The following PFKFB3 variants were observed in gnomAD, a reference collection of about 807,000 sequenced individuals.
PFKFB3 encodes 6-phosphofructo-2-kinase/fructose-2,6-bisphosphatase 3.
PFKFB3 carries 33 observed loss-of-function variants against 68.0 expected under a neutral mutation model. That is an observed-to-expected ratio of 0.49 (90% CI 0.37 to 0.65). The LOEUF (loss-of-function observed/expected upper bound fraction) is 0.65. Ranked by LOEUF, PFKFB3 falls within the 30% of genes least tolerant of loss-of-function variation. The pLI, the probability that PFKFB3 is intolerant of heterozygous loss-of-function variation, is 0.00. For missense variants in PFKFB3, 586 were observed against 712.2 expected, an observed-to-expected ratio of 0.82 and a Z score of 2.02; for synonymous variants, 315 against 288.2, an observed-to-expected ratio of 1.09 and a Z score of -0.94.
chr10:6,283,272 T>A, the PFKFB3 span, among the ~76,000 whole-genome samples: 1 of 152,196 alleles, frequency 6.6e-6, no homozygotes, highest in Non-Finnish European at 1.5e-5. Context: ...CCAGCCAAGT[T>A]ATTCTATTTA....
rs1249623464 is a variant in PFKFB3, at chr10:6,203,272, A to G, written c.12A>G (p.Glu4=). MPL[E]LTQSRVQKIW... is the part of the protein sequence containing the mutation. ...GCGCAGCCGCGAAGATGCCGTTGGA[A>G]CTGACGCAGAGCCGAGTGCAGAAGA... Residue 4 remains glutamate, a synonymous_variant, in exon 1 of 15, where the codon GAA becomes GAG. Coordinates refer to ENST00000379775, the MANE Select transcript of PFKFB3 (RefSeq NM_004566.4). The G allele has an allele frequency of 6.2e-7, 1 of 1,610,196 alleles. No individual in the cohort carries two copies.
At position 6,183,614 on chromosome 10, in the gene PFKFB3, A is replaced by AAAATAT. The variant is rs1242752213; in HGVS notation, c.17-30008_17-30007insAATATA. ...GACCAGCCTGGTCAAAAAAAAAAAA[A>AAAATAT]ATATATATATATATATATGTATATA... On this transcript the variant is annotated intron_variant, in intron 1 of 14. Transcript: ENST00000379789. 1.3e-3 allele frequency among the ~76,000 whole-genome samples: 120 copies of AAAATAT among 93,936 alleles called. 1 individual carries two copies. The highest frequency in any genetic ancestry group is 3.9e-3 in the African/African-American group (114 of 29,356). 61.6% of individuals were successfully genotyped at this position (93,936 alleles called of 152,430 possible). A position where few individuals can be genotyped will look rare whatever the true frequency, so the allele number is the denominator to read the frequency against.
At chr10:6,182,379 C>T (rs1399536429) in intron 1 of PFKFB3, among the ~76,000 whole-genome samples, 1 of 152,172 alleles carries the variant, frequency 6.6e-6, no homozygotes, top group African/African-American at 2.4e-5. Flanking sequence ...GTGTCACAAA[C>T]AAGTTGTCCT....
Position 6,229,285 on chromosome 10 carries a change from A to C in PFKFB3, c.1515+2920A>C. ...CTTAAGACCACCCTGGGAGGTCGGC[A>C]GGGCAGTCAGTCCCCCGTTTAATGG... On this transcript the variant is annotated intron_variant, in intron 14 of 14. Coordinates refer to ENST00000379775, the MANE Select transcript of PFKFB3 (RefSeq NM_004566.4). This position sits in a 1 kb window ranked among gnomAD's most constrained non-coding sequence, Gnocchi z 4.3. 2.4e-6 allele frequency: 1 copy of C among 420,976 alleles called. No individual in the cohort carries two copies. Among genetic ancestry groups the C allele is most frequent in the South Asian group, 1.7e-5 (1 of 58,632 alleles). The allele number at this position is 420,976 out of a possible 1,614,324, so 26.1% of individuals were successfully genotyped here. A position where few individuals can be genotyped will look rare whatever the true frequency, so the allele number is the denominator to read the frequency against.
At chr10:6,310,105 G>A in the PFKFB3 span, among the ~76,000 whole-genome samples, 3 of 152,158 alleles carry the variant, frequency 2.0e-5, no homozygotes, top group East Asian at 3.9e-4. Flanking sequence ...TCTCAAGAGC[G>A]AGACTCCATC....
chr10:6,315,479 A>G, the PFKFB3 span, among the ~76,000 whole-genome samples: 2 of 151,888 alleles, frequency 1.3e-5, no homozygotes, highest in African/African-American at 4.8e-5. Flanking sequence ...GTCCCCGAGT[A>G]TTTTCTTTTT....
the PFKFB3 span, among the ~76,000 whole-genome samples, chr10:6,310,045 C>T: frequency 1.3e-5 from 2 of 152,130 alleles, no homozygotes; most frequent in African/African-American, 4.8e-5. Context: ...TCTCCCATGA[C>T]TCAGGGTAAG....
At chr10:6,216,294 G>A in intron 4 of PFKFB3, 103 bp downstream of exon 4, 1 of 1,159,382 alleles carries the variant, frequency 8.6e-7, no homozygotes, top group East Asian at 2.3e-5. Context: ...CCCTGAGGGT[G>A]GAGGAAAGCA....
chr10:6,304,000 CA>C, the PFKFB3 span, among the ~76,000 whole-genome samples: 1 of 151,982 alleles, frequency 6.6e-6, no homozygotes, highest in Non-Finnish European at 1.5e-5. Flanking sequence ...GGCAGAGACA[CA>C]AGATGAAAGG....
chr10:6,193,585 A>G (rs1381438673), intron 1 of PFKFB3, among the ~76,000 whole-genome samples: 1 of 152,152 alleles, frequency 6.6e-6, no homozygotes, highest in African/African-American at 2.4e-5. Context: ...GTGTGGAGAG[A>G]CTGCCAAACA....
chr10:6,215,824 A>C lies in PFKFB3; in HGVS notation c.300-301A>C, dbSNP rs554050727. Among the ~76,000 whole-genome samples, 27 of 152,298 alleles carry C rather than the reference A, an allele frequency of 1.8e-4. No individual in the cohort carries two copies. Among genetic ancestry groups the C allele is most frequent in the African/African-American group, 6.0e-4 (25 of 41,556 alleles). On this transcript the variant is annotated intron_variant, in intron 3 of 14. Coordinates refer to ENST00000379775, the MANE Select transcript of PFKFB3 (RefSeq NM_004566.4). The surrounding 1 kb of genome is among the most constrained non-coding windows in gnomAD (Gnocchi z 4.3). ...AATCCCTGATGCCAGGCCCCACCCC[A>C]GACCAGTTAGTGCAACTCTGTGGGT... is the stretch of plus-strand genomic sequence containing the variant.
chr10:6,304,192 G>A, the PFKFB3 span, among the ~76,000 whole-genome samples: 2 of 152,118 alleles, frequency 1.3e-5, no homozygotes, highest in African/African-American at 2.4e-5. Flanking sequence ...TGCAGTAACA[G>A]ATAGATTTAA....
At chr10:6,217,008 G>A in intron 5 of PFKFB3, 127 bp from the exon 6 acceptor site, 1 of 1,002,736 alleles carries the variant, frequency 1.0e-6, no homozygotes, top group Non-Finnish European at 1.6e-6. Context: ...GAGGAGGTGG[G>A]CTTTCCTGTG....
chr10:6,228,484 A>G lies in PFKFB3; in HGVS notation c.1515+2119A>G, dbSNP rs938861945. 7.2e-5 allele frequency among the ~76,000 whole-genome samples: 11 copies of G among 151,922 alleles called. No homozygotes were observed. Among genetic ancestry groups the G allele is most frequent in the Admixed American group, 2.6e-4 (4 of 15,244 alleles). ...CCGCTGGCTTCTCCCCTACCCTCTC[A>G]GGGCTGCAGGTCGTGGTGTGTAATG... On this transcript the variant is annotated intron_variant, in intron 14 of 14. Transcript: ENST00000379775. This position sits in a 1 kb window ranked among gnomAD's most constrained non-coding sequence, Gnocchi z 4.5.
downstream of PFKFB3, among the ~76,000 whole-genome samples, chr10:6,258,216 G>A (rs1846509645): frequency 6.6e-6 from 1 of 152,048 alleles, no homozygotes; most frequent in South Asian, 2.1e-4. Context: ...ATATGTGTAT[G>A]CACATACAGA....
intron 1 of PFKFB3, among the ~76,000 whole-genome samples, chr10:6,207,174 G>A (rs568446708): frequency 3.2e-3 from 493 of 152,284 alleles, no homozygotes; most frequent in Non-Finnish European, 4.2e-3. Flanking sequence ...ACGAGACTCC[G>A]TCTGCAATCC....
At chr10:6,164,582 G>C (rs1361500646) in intron 1 of PFKFB3, among the ~76,000 whole-genome samples, 1 of 152,130 alleles carries the variant, frequency 6.6e-6, no homozygotes. Context: ...AGAACAGTGG[G>C]CCCAGGGGAC....
rs75007288 is a variant in PFKFB3, at chr10:6,208,697, C to A, written c.77-4926C>A. Among the ~76,000 whole-genome samples the A allele has an allele frequency of 5.4e-3, 822 of 152,122 alleles. 7 individuals are homozygous for A. The highest frequency in any genetic ancestry group is 0.019 in the African/African-American group (793 of 41,502). Reference sequence around the variant, plus strand: ...ACAGGCTGTGCGGGCTGCTGCCTGTCTGTCTGTGCATTGCACACCATCAGA... The same window carrying A: ...ACAGGCTGTGCGGGCTGCTGCCTGTATGTCTGTGCATTGCACACCATCAGA... On this transcript the variant is annotated intron_variant, in intron 1 of 14. Coordinates refer to ENST00000379775, the MANE Select transcript of PFKFB3 (RefSeq NM_004566.4).
rs568510889 is a variant in PFKFB3 at position 6,171,206 on chromosome 10, C to A, written c.16+26193C>A. Among the ~76,000 whole-genome samples the A allele has an allele frequency of 9.0e-3, 1,369 of 152,074 alleles. 12 individuals carry two copies. The highest frequency in any genetic ancestry group is 0.014 in the Non-Finnish European group (977 of 67,966). ...GGGATTACAGGCATGCACCACCATGCCACCACGCCTGGCTAATTTTGTATT... is the reference window on the plus strand; with the variant it reads ...GGGATTACAGGCATGCACCACCATGACACCACGCCTGGCTAATTTTGTATT... On this transcript the variant is annotated intron_variant, in intron 1 of 14. Transcript: ENST00000379789.
Sources: gnomAD v4.1 joint callset for allele counts (sites outside exome capture counted in the v4.1 genomes callset) on GRCh38, gnomAD v4.1.1 for gene constraint, Gnocchi (gnomAD v3.1) non-coding constraint, MANE v1.5 for transcripts, NCBI Gene and HGNC (gene_info 2026-07-23, HGNC 2026-07-21) for gene names.